CCNY: variants seen among roughly 807,000 people sequenced by gnomAD.
CCNY encodes the protein cyclin-Y.
Under a neutral mutation model 42.8 loss-of-function variants are expected in CCNY, and 19 were observed. The observed-to-expected ratio is 0.44, with a 90% confidence interval of 0.31 to 0.65. The LOEUF is 0.65. CCNY is among the 30% of genes least tolerant of loss of function. The probability of loss-of-function intolerance (pLI) is 0.07; values close to 1 mark genes in which losing one functional copy is unlikely to be tolerated. For missense variants in CCNY, 370 were observed against 437.3 expected, an observed-to-expected ratio of 0.85 and a Z score of 1.37; for synonymous variants, 165 against 162.7, an observed-to-expected ratio of 1.01 and a Z score of -0.11.
chr10:35,394,457 G>A (rs1468373565), intron 1 of CCNY, among the ~76,000 whole-genome samples: 1 of 152,194 alleles, frequency 6.6e-6, no homozygotes, highest in African/African-American at 2.4e-5. Context: ...TTGCAGACTT[G>A]AGTAACTCAC....
chr10:35,417,781 G>A (rs1041216300), intron 1 of CCNY, among the ~76,000 whole-genome samples: 6 of 152,224 alleles, frequency 3.9e-5, no homozygotes, highest in African/African-American at 1.2e-4. Flanking sequence ...ATGCTCCAGA[G>A]AATTGTAAGA....
rs1839930072 is a variant in CCNY, at chr10:35,492,962, T to C, written c.230-8539T>C. ...TGCCACCCTCAGGCCAGCTCTCCCCTCTCCCCTCTGCAGTCTTCTCTTGAG... is the reference window on the plus strand; with the variant it reads ...TGCCACCCTCAGGCCAGCTCTCCCCCCTCCCCTCTGCAGTCTTCTCTTGAG... On this transcript the variant is annotated intron_variant, in intron 2 of 9. Coordinates refer to ENST00000374704, the MANE Select transcript of CCNY (RefSeq NM_145012.6). Among the ~76,000 whole-genome samples, 3 of 151,872 alleles carry C rather than the reference T, an allele frequency of 2.0e-5. No individual in the cohort carries two copies. In the South Asian group the frequency reaches 6.2e-4, roughly 32 times the overall value.
chr10:35,389,713 A>G (rs1185578644), intron 1 of CCNY, among the ~76,000 whole-genome samples: 2 of 152,200 alleles, frequency 1.3e-5, no homozygotes, highest in Non-Finnish European at 2.9e-5. Flanking sequence ...CTGGGATTAC[A>G]AGCATGAGCC....
intron 1 of CCNY, among the ~76,000 whole-genome samples, chr10:35,452,468 C>G (rs1589130717): frequency 6.6e-6 from 1 of 152,124 alleles, no homozygotes; most frequent in African/African-American, 2.4e-5. Flanking sequence ...CATAATCCTG[C>G]TTATCTTAGA....
chr10:35,467,135 G>T (rs1310654537), intron 1 of CCNY, among the ~76,000 whole-genome samples: 1 of 152,142 alleles, frequency 6.6e-6, no homozygotes, highest in East Asian at 1.9e-4. Context: ...GTGAATAATT[G>T]TATGTACAGA....
chr10:35,519,742 T>C (rs1173203624), intron 4 of CCNY, among the ~76,000 whole-genome samples: 1 of 152,026 alleles, frequency 6.6e-6, no homozygotes, highest in East Asian at 1.9e-4. Context: ...GTAATTCAGT[T>C]GCTTTAAAAA....
At chr10:35,382,811 A>G (rs1373681067) in intron 1 of CCNY, among the ~76,000 whole-genome samples, 1 of 152,236 alleles carries the variant, frequency 6.6e-6, no homozygotes, top group East Asian at 1.9e-4. Context: ...GGGAGACAGT[A>G]CATTTAAGAG....
At chr10:35,479,959 A>G (rs1453669148) in intron 1 of CCNY, among the ~76,000 whole-genome samples, 1 of 149,010 alleles carries the variant, frequency 6.7e-6, no homozygotes, top group Non-Finnish European at 1.5e-5. Context: ...AAGCAGGTTC[A>G]TTTTGCTTGG....
intron 1 of CCNY, among the ~76,000 whole-genome samples, chr10:35,426,342 C>T (rs1838273963): frequency 6.6e-6 from 1 of 152,134 alleles, no homozygotes; most frequent in African/African-American, 2.4e-5. Context: ...TTCCAGCTGT[C>T]AGCAGGTTAT....
intron 3 of CCNY, among the ~76,000 whole-genome samples, chr10:35,271,761 G>GC (rs1013845907): frequency 3.9e-5 from 6 of 152,070 alleles, no homozygotes; most frequent in African/African-American, 9.7e-5. Context: ...TTTGCCCTCT[G>GC]CCCCCCTTGG....
intron 1 of CCNY, among the ~76,000 whole-genome samples, chr10:35,361,108 C>A (rs978164524): frequency 3.3e-5 from 5 of 151,944 alleles, no homozygotes; most frequent in African/African-American, 1.2e-4. Flanking sequence ...CCCCCCGCCT[C>A]GGCCTCCCAA....
At chr10:35,482,475 T>C (rs1260255790) in intron 1 of CCNY, among the ~76,000 whole-genome samples, 1 of 152,250 alleles carries the variant, frequency 6.6e-6, no homozygotes, top group African/African-American at 2.4e-5. Flanking sequence ...GAAAAACTCT[T>C]CTGTGATGGC....
upstream of CCNY, among the ~76,000 whole-genome samples, chr10:35,333,931 C>T (rs1438782088): frequency 6.6e-6 from 1 of 151,722 alleles, no homozygotes; most frequent in Non-Finnish European, 1.5e-5. Context: ...CTTTAGTACC[C>T]GTCTTTTCTC....
intron 1 of CCNY, among the ~76,000 whole-genome samples, chr10:35,447,616 G>A (rs1838821933): frequency 6.6e-6 from 1 of 152,196 alleles, no homozygotes; most frequent in Non-Finnish European, 1.5e-5. Flanking sequence ...CAAGAGGTTT[G>A]AGGTGTTGTT....
Position 35,309,753 on chromosome 10 carries a change from G to A in CCNY, c.-9+59127G>A, listed in dbSNP as rs116765285. Among the ~76,000 whole-genome samples the A allele has an allele frequency of 5.4e-3, 818 of 151,944 alleles. 11 individuals are homozygous for A. The highest frequency in any genetic ancestry group is 0.019 in the African/African-American group (772 of 41,468). Reference sequence around the variant, plus strand: ...CTTTGTTAAAAACTAATTTTTTATTGATACATGATAGTTATACATATTTCT... The same window carrying A: ...CTTTGTTAAAAACTAATTTTTTATTAATACATGATAGTTATACATATTTCT... On this transcript the variant is annotated intron_variant, in intron 3 of 11. Coordinates refer to the CCNY transcript ENST00000374706.
Position 35,553,030 on chromosome 10 carries a change from A to G in CCNY, c.591A>G (p.Glu197=). The G allele has an allele frequency of 6.2e-7, 1 of 1,613,928 alleles. No homozygotes were observed. The highest frequency in any genetic ancestry group is 8.5e-7 in the Non-Finnish European group (1 of 1,179,832). ...ECAIVTLVYL[E]RLLTYAEIDI... is the part of the protein sequence containing the mutation. ...TCTTGTCTTCCCAGGTGTACCTTGA[A>G]AGACTTTTAACATACGCAGAGATAG... Residue 197 remains glutamate (E), a synonymous_variant, in exon 8 of 10, where the codon GAA becomes GAG. Transcript: ENST00000374704.
At chr10:35,381,281 C>T (rs866626551) in intron 1 of CCNY, among the ~76,000 whole-genome samples, 3 of 152,064 alleles carry the variant, frequency 2.0e-5, no homozygotes, top group African/African-American at 4.8e-5. Context: ...TACTGTAGGC[C>T]GAGCGCCATG....
upstream of CCNY, among the ~76,000 whole-genome samples, chr10:35,334,921 G>A (rs957684197): frequency 6.6e-6 from 1 of 152,094 alleles, no homozygotes; most frequent in Non-Finnish European, 1.5e-5. Context: ...GATTTGTCAC[G>A]AACAGGTACT....
intron 3 of CCNY, chr10:35,316,418 T>C (rs1449565504): frequency 6.6e-6 from 1 of 152,244 alleles, no homozygotes; most frequent in African/African-American, 2.4e-5. Flanking sequence ...TTCTTTTGGA[T>C]GAATTCACAG....
Sources: gnomAD v4.1 joint callset for allele counts (sites outside exome capture counted in the v4.1 genomes callset) on GRCh38, gnomAD v4.1.1 for gene constraint, MANE v1.5 for transcripts, NCBI Gene and HGNC (gene_info 2026-07-23, HGNC 2026-07-21) for gene names.